PRR5: variants seen among roughly 807,000 people sequenced by gnomAD.
PRR5 encodes proline rich 5, also known as proline-rich protein 5.
In PRR5, 25 loss-of-function variants were observed where a neutral mutation model predicts 30.6. The ratio of observed to expected loss-of-function variants is 0.82; its 90% CI spans 0.60 to 1.14. PRR5 has a LOEUF of 1.14. PRR5 is among the 50% of genes most tolerant of loss of function. The pLI is 0.00. For missense variants in PRR5, 600 were observed against 547.1 expected (o/e 1.10, Z -0.96); for synonymous variants, 286 against 247.1 (o/e 1.16, Z -1.48).
intron 1 of PRR5, among the ~76,000 whole-genome samples, chr22:44,705,178 G>A (rs1178587599): frequency 6.6e-6 from 1 of 152,202 alleles, no homozygotes; most frequent in Non-Finnish European, 1.5e-5. Flanking sequence ...GAAGCTTGAA[G>A]TCCAGGTGTC....
At chr22:44,673,585 A>G (rs1449480465), upstream of PRR5, among the ~76,000 whole-genome samples, 1 of 151,990 alleles carries the variant, frequency 6.6e-6, no homozygotes, top group Non-Finnish European at 1.5e-5. Flanking sequence ...ACAGAAAGCC[A>G]TCCGTTGTGG....
chr22:44,714,478 A>G, intron 1 of PRR5, 113 bp from the exon 2 acceptor site: 2 of 1,445,122 alleles, frequency 1.4e-6, no homozygotes, highest in Non-Finnish European at 1.9e-6. Context: ...AGGGTCCTGC[A>G]GGGATGGCTA....
chr22:44,714,530 A>T, intron 1 of PRR5, 61 bp from the exon 2 acceptor site: 1 of 1,599,318 alleles, frequency 6.3e-7, no homozygotes, highest in Non-Finnish European at 8.5e-7. Flanking sequence ...ATGGGGCCTG[A>T]TGGGCAACCA....
chr22:44,689,154 C>T (rs1468035562), intron 1 of PRR5, among the ~76,000 whole-genome samples: 1 of 152,064 alleles, frequency 6.6e-6, no homozygotes, highest in Admixed American at 6.6e-5. Context: ...CTAAATTGCC[C>T]AGCTTCTTGA....
At chr22:44,713,991 G>A (rs752455782) in intron 1 of PRR5, among the ~76,000 whole-genome samples, 3 of 152,024 alleles carry the variant, frequency 2.0e-5, no homozygotes, top group Non-Finnish European at 4.4e-5. Flanking sequence ...TTTTAGTAGA[G>A]ACGGGGTTTC....
intron 1 of PRR5, among the ~76,000 whole-genome samples, chr22:44,693,616 CTTTTTTTTTTTT>C (rs1228023916): frequency 1.1e-5 from 1 of 90,566 alleles, no homozygotes; most frequent in African/African-American, 3.9e-5. Flanking sequence ...TTCACATGGA[CTTTTTTTTTTTT>C]TTTTTTTTTT....
At chr22:44,731,633 C>A in intron 4 of PRR5, 97 bp from the exon 5 acceptor site, 1 of 1,247,416 alleles carries the variant, frequency 8.0e-7, no homozygotes, top group Non-Finnish European at 1.2e-6. Flanking sequence ...TGAGCCCAGG[C>A]CCTCCACTCC....
At position 44,724,758 on chromosome 22, in the gene PRR5, A is replaced by G. The variant is rs73889711; in HGVS notation, c.216-486A>G. Among the ~76,000 whole-genome samples the G allele has an allele frequency of 8.3e-3, 1,257 of 152,276 alleles. 13 individuals carry two copies. Among genetic ancestry groups the G allele is most frequent in the African/African-American group, 0.027 (1,139 of 41,556 alleles). On this transcript the variant is annotated intron_variant, in intron 2 of 7. Coordinates refer to ENST00000336985, the MANE Select transcript of PRR5 (RefSeq NM_181333.4). ...TTGCCTCCCCTGTAATAAAAGGGGA[A>G]CCCCGGTGAATGCCTGCGGCTGGGT...
chr22:44,687,580 T>C (rs779539303), intron 1 of PRR5, among the ~76,000 whole-genome samples: 13 of 152,338 alleles, frequency 8.5e-5, no homozygotes, highest in Non-Finnish European at 1.8e-4. Flanking sequence ...TAGATCTTTT[T>C]CTAGGCTACA....
chr22:44,703,518 G>A (rs1011352157), intron 1 of PRR5, among the ~76,000 whole-genome samples: 1 of 152,136 alleles, frequency 6.6e-6, no homozygotes, highest in Non-Finnish European at 1.5e-5. Context: ...GTGGGCTCAG[G>A]GCTGCCAGCG....
intron 1 of PRR5, among the ~76,000 whole-genome samples, chr22:44,669,044 C>T (rs71328675): frequency 6.7e-6 from 1 of 149,596 alleles, no homozygotes; most frequent in Non-Finnish European, 1.5e-5. Context: ...GGGTGAAGGT[C>T]CAGCCTCTCC....
intron 1 of PRR5, chr22:44,679,201 C>T (rs886592458): frequency 3.3e-5 from 5 of 152,268 alleles, no homozygotes; most frequent in African/African-American, 1.2e-4. Context: ...CAGGAGCAGG[C>T]TTGTGTTCTT....
chr22:44,726,122 C>T (rs1019959979), intron 3 of PRR5, among the ~76,000 whole-genome samples: 9 of 152,176 alleles, frequency 5.9e-5, no homozygotes, highest in Non-Finnish European at 8.8e-5. Context: ...CTTTCATTGG[C>T]GGGTGCTTGG....
chr22:44,731,594 T>C lies in PRR5; in HGVS notation c.323-136T>C, dbSNP rs189174471. On this transcript the variant is annotated intron_variant, in intron 4 of 7. Transcript: ENST00000336985. ...AACAGCTGAGCTGTGGAGCTGGACATCGACCTTGGGCAGGTGCTGCCAGGG... is the reference window on the plus strand; with the variant it reads ...AACAGCTGAGCTGTGGAGCTGGACACCGACCTTGGGCAGGTGCTGCCAGGG... 19 of 775,334 alleles carry C rather than the reference T, an allele frequency of 2.5e-5. No individual in the cohort carries two copies. The Admixed American group carries it at 3.1e-4, about 13-fold the overall frequency. The allele number at this position is 775,334 out of a possible 1,614,324, so 48.0% of individuals were successfully genotyped here.
rs1923350598 is a variant in PRR5, at chr22:44,736,816, A to G, written c.736A>G (p.Lys246Glu). ...RRSRSGDVLA[K>E]NPVVRSKSYN... ...CTCCCGCTCGGGGGACGTGCTGGCCAAGAACCCTGTGGTGCGCTCCAAGAG... is the reference window on the plus strand; with the variant it reads ...CTCCCGCTCGGGGGACGTGCTGGCCGAGAACCCTGTGGTGCGCTCCAAGAG... Residue 246 changes from lysine (K) to glutamate (E), a missense_variant, in exon 8 of 8, where the codon AAG (lysine) becomes GAG (glutamate). By Grantham distance (56) the Lys-to-Glu change is moderately conservative. Coordinates refer to ENST00000336985, the MANE Select transcript of PRR5 (RefSeq NM_181333.4). 1 of 1,583,154 alleles carries G rather than the reference A, an allele frequency of 6.3e-7. No homozygotes were observed. Among genetic ancestry groups the G allele is most frequent in the Admixed American group, 1.7e-5 (1 of 58,432 alleles).
chr22:44,727,965 G>A (rs1921164058), intron 4 of PRR5, among the ~76,000 whole-genome samples: 1 of 152,270 alleles, frequency 6.6e-6, no homozygotes, highest in Non-Finnish European at 1.5e-5. Flanking sequence ...ACCTGACGAA[G>A]ATGGCCACCC....
chr22:44,678,605 G>A (rs1291748775), intron 1 of PRR5, among the ~76,000 whole-genome samples: 4 of 152,148 alleles, frequency 2.6e-5, no homozygotes, highest in South Asian at 2.1e-4. Flanking sequence ...GTGAGCCACC[G>A]CGCCCTGCCT....
upstream of PRR5, among the ~76,000 whole-genome samples, chr22:44,675,528 T>C (rs1395570735): frequency 6.6e-6 from 1 of 152,184 alleles, no homozygotes; most frequent in Non-Finnish European, 1.5e-5. Context: ...GTCATTTGTC[T>C]TGGAGCCCGC....
In PRR5 at chr22:44,732,286, G is replaced by C. The variant is rs1368136290; in HGVS notation, c.450G>C (p.Leu150=). ...KEPSVRQLAL[L]HFRNAITLSV... The stretch of plus-strand genomic sequence containing the variant: ...CATCGGTGCGCCAGCTGGCCCTGCT[G>C]CACTTCCGGAATGCCATCACCCTCA... Residue 150 remains leucine, a synonymous_variant, in exon 6 of 8, where the codon CTG becomes CTC. Coordinates refer to ENST00000336985, the MANE Select transcript of PRR5 (RefSeq NM_181333.4). 6.2e-7 allele frequency: 1 copy of C among 1,612,184 alleles called. No individual in the cohort carries two copies. The highest frequency in any genetic ancestry group is 8.5e-7 in the Non-Finnish European group (1 of 1,179,960).
Sources: allele counts gnomAD v4.1 joint callset (sites outside exome capture counted in the v4.1 genomes callset), GRCh38; gene constraint gnomAD v4.1.1; transcripts MANE v1.5; gene names NCBI Gene and HGNC (gene_info 2026-07-23, HGNC 2026-07-21).